Variants in MBOAT2 observed in about 807,000 individuals in gnomAD.
The protein encoded by MBOAT2 is membrane bound glycerophospholipid O-acyltransferase 2, also known as membrane-bound glycerophospholipid O-acyltransferase 2.
A neutral mutation model predicts 63.4 loss-of-function variants in MBOAT2; 28 were observed. That is an observed-to-expected ratio of 0.44 (90% CI 0.33 to 0.61). The LOEUF (loss-of-function observed/expected upper bound fraction) is 0.61, where lower values mean the gene tolerates loss of function less well. Among genes scored for constraint, MBOAT2 ranks in the 20% least tolerant of loss-of-function variants. The pLI is 0.03. For synonymous variants in MBOAT2, 211 were observed against 215.6 expected (o/e 0.98, Z 0.19); for missense variants, 470 against 605.8 (o/e 0.78, Z 2.35).
intron 3 of MBOAT2, among the ~76,000 whole-genome samples, chr2:8,924,578 G>A (rs1666807630): frequency 6.6e-6 from 1 of 152,088 alleles, no homozygotes; most frequent in Non-Finnish European, 1.5e-5. Flanking sequence ...AAGGAGCTTC[G>A]ATGTATTCAC....
chr2:8,875,894 G>A (rs1340439544), intron 7 of MBOAT2, among the ~76,000 whole-genome samples: 11 of 152,182 alleles, frequency 7.2e-5, no homozygotes, highest in Non-Finnish European at 1.3e-4. Flanking sequence ...AATACAATGA[G>A]CGACATGGTA....
chr2:8,860,945 TTGTACACAC>T (rs1661449663), intron 11 of MBOAT2, 181 bp from the exon 12 acceptor site: 1 of 501,454 alleles, frequency 2.0e-6, no homozygotes, highest in Admixed American at 3.7e-5. Flanking sequence ...CGAATACACA[TTGTACACAC>T]TGTGTATAAA....
chr2:8,941,485 T>C lies in MBOAT2; in HGVS notation c.299+1702A>G, dbSNP rs577604005. 1.9e-3 allele frequency among the ~76,000 whole-genome samples: 285 copies of C among 152,262 alleles called. 2 individuals are homozygous for C. The highest frequency in any genetic ancestry group is 6.4e-3 in the African/African-American group (267 of 41,546). ...CTGTCCAATGTAGCCACTAGCCACATGTGGCTAGTGAGCACTTGAAATGTG... is the reference window on the plus strand; with the variant it reads ...CTGTCCAATGTAGCCACTAGCCACACGTGGCTAGTGAGCACTTGAAATGTG... On this transcript the variant is annotated intron_variant, in intron 3 of 12. Transcript: ENST00000305997.
At chr2:8,932,010 A>G (rs1321388876) in intron 3 of MBOAT2, among the ~76,000 whole-genome samples, 1 of 152,158 alleles carries the variant, frequency 6.6e-6, no homozygotes, top group Non-Finnish European at 1.5e-5. Context: ...GCCACGCTCA[A>G]TTGTTCTAAT....
Position 8,858,753 on chromosome 2 carries a change from T to C in MBOAT2, c.1489A>G (p.Ser497Gly). 1 of 1,614,122 alleles carries C rather than the reference T, an allele frequency of 6.2e-7. No individual in the cohort carries two copies. The highest frequency in any genetic ancestry group is 8.5e-7 in the Non-Finnish European group (1 of 1,180,004). ...CAAACATTGTTTGTTGTAGAAAAACTGTTCTGTCCCAAAGAATTTTCTCCT... is the reference window on the plus strand; with the variant it reads ...CAAACATTGTTTGTTGTAGAAAAACCGTTCTGTCCCAAAGAATTTTCTCCT... Reference protein sequence around the residue: ...DEGENSLGQNSFSTTNNVCNQ... With the variant: ...DEGENSLGQNGFSTTNNVCNQ... Residue 497 changes from serine to glycine, a missense_variant, in exon 13 of 13, where the codon AGT becomes GGT. Ser to Gly is a moderately conservative substitution (Grantham distance 56). This residue lies in a region of MBOAT2 where 90 missense variants were observed against 84.9 expected (regional missense o/e 1.06). Transcript: ENST00000305997.
intron 5 of MBOAT2, among the ~76,000 whole-genome samples, chr2:8,884,195 CAA>C (rs1169179642): frequency 9.1e-5 from 2 of 22,098 alleles, no homozygotes; most frequent in African/African-American, 4.1e-4. Flanking sequence ...AAGACTCAGC[CAA>C]AAAAAAAAAA....
intron 6 of MBOAT2, among the ~76,000 whole-genome samples, chr2:8,880,513 G>A (rs1160345818): frequency 6.6e-6 from 1 of 152,242 alleles, no homozygotes; most frequent in African/African-American, 2.4e-5. Context: ...TGAAATGGCA[G>A]TTGGATAAAT....
At chr2:8,919,734 A>AT (rs978770499) in intron 3 of MBOAT2, among the ~76,000 whole-genome samples, 3 of 151,952 alleles carry the variant, frequency 2.0e-5, no homozygotes, top group African/African-American at 7.2e-5. Flanking sequence ...CGAGTATTCA[A>AT]TTTTTTTATT....
intron 12 of MBOAT2, 134 bp downstream of exon 12, chr2:8,860,479 A>G: frequency 2.3e-6 from 2 of 883,894 alleles, no homozygotes; most frequent in Non-Finnish European, 3.5e-6. Context: ...TTCAGAATTA[A>G]AAAGTAACTG....
At chr2:8,953,823 T>C (rs1669010409) in intron 2 of MBOAT2, among the ~76,000 whole-genome samples, 1 of 152,230 alleles carries the variant, frequency 6.6e-6, no homozygotes, top group African/African-American at 2.4e-5. Context: ...CTTCATTTCC[T>C]GGATTGCCTT....
chr2:8,963,334 G>T (rs1383536939), intron 1 of MBOAT2, among the ~76,000 whole-genome samples: 1 of 151,920 alleles, frequency 6.6e-6, no homozygotes, highest in Non-Finnish European at 1.5e-5. Context: ...AGACAATTTT[G>T]CTCTTGTTGC....
At chr2:8,893,706 C>T (rs1664194385) in intron 4 of MBOAT2, among the ~76,000 whole-genome samples, 1 of 152,224 alleles carries the variant, frequency 6.6e-6, no homozygotes, top group Non-Finnish European at 1.5e-5. Flanking sequence ...AACAAAGTAT[C>T]CACTGCCCAG....
At chr2:8,996,141 C>CA (rs1036063913) in intron 1 of MBOAT2, among the ~76,000 whole-genome samples, 14 of 152,156 alleles carry the variant, frequency 9.2e-5, no homozygotes, top group African/African-American at 3.4e-4. Context: ...GGCTCGGCAG[C>CA]TGGAAGCTGT....
In MBOAT2 at chr2:8,877,006, T is replaced by C. The variant is rs200473914; in HGVS notation, c.690+24A>G. The C allele has an allele frequency of 1.8e-3, 2,847 of 1,583,148 alleles. 11 individuals are homozygous for C. Among genetic ancestry groups the C allele is most frequent in the Non-Finnish European group, 2.1e-3 (2,487 of 1,166,280 alleles). On this transcript the variant is annotated intron_variant, in intron 7 of 12. Coordinates refer to ENST00000305997, the MANE Select transcript of MBOAT2 (RefSeq NM_138799.4). The stretch of plus-strand genomic sequence containing the variant: ...ACTAACCAATACATGCTGTAAAGGC[T>C]CCAGATAAATCTCATGACCTTACAT...
chr2:8,989,749 A>G (rs1371456725), intron 1 of MBOAT2, among the ~76,000 whole-genome samples: 2 of 152,244 alleles, frequency 1.3e-5, no homozygotes, highest in Non-Finnish European at 2.9e-5. Flanking sequence ...CAAACTCTCT[A>G]GCAACTACAA....
chr2:8,878,932 C>T (rs560797864), intron 6 of MBOAT2, among the ~76,000 whole-genome samples: 33 of 151,654 alleles, frequency 2.2e-4, no homozygotes, highest in African/African-American at 1.7e-4. Context: ...AAAAATTAGC[C>T]GGGCGTAGTG....
At chr2:8,945,387 T>G (rs928591720) in intron 2 of MBOAT2, among the ~76,000 whole-genome samples, 1 of 152,176 alleles carries the variant, frequency 6.6e-6, no homozygotes, top group Admixed American at 6.5e-5. Context: ...ATAAACACAG[T>G]GGCCACTTGA....
At chr2:8,969,436 A>G (rs1043904359) in intron 1 of MBOAT2, among the ~76,000 whole-genome samples, 1 of 152,240 alleles carries the variant, frequency 6.6e-6, no homozygotes, top group Non-Finnish European at 1.5e-5. Context: ...TGTAAAGACC[A>G]TCGATGCTAG....
chr2:8,859,240 A>G (rs545196137), intron 12 of MBOAT2, among the ~76,000 whole-genome samples: 3 of 152,340 alleles, frequency 2.0e-5, no homozygotes, highest in Admixed American at 2.0e-4. Context: ...CCCAATCCAG[A>G]TAATCAAAAG....
Sources: gnomAD v4.1 joint callset for allele counts (sites outside exome capture counted in the v4.1 genomes callset) on GRCh38, gnomAD v4.1.1 for gene constraint, gnomAD v4.1.1 regional missense constraint, MANE v1.5 for transcripts, NCBI Gene and HGNC (gene_info 2026-07-23, HGNC 2026-07-21) for gene names.